The following UBE2E3 variants were observed in gnomAD, a reference collection of about 807,000 sequenced individuals.
UBE2E3 encodes ubiquitin conjugating enzyme E2 E3, also known as ubiquitin-conjugating enzyme E2 E3.
A neutral mutation model predicts 23.6 loss-of-function variants in UBE2E3; 5 were observed. That is an observed-to-expected ratio of 0.21 (90% CI 0.11 to 0.44). The LOEUF is 0.44. Ranked by LOEUF, UBE2E3 falls within the 20% of genes least tolerant of loss-of-function variation. UBE2E3 has a pLI of 0.99. For synonymous variants in UBE2E3, 78 were observed against 87.5 expected, an observed-to-expected ratio of 0.89 and a Z score of 0.60; for missense variants, 81 against 249.8, an observed-to-expected ratio of 0.32 and a Z score of 4.55.
intron 3 of UBE2E3, among the ~76,000 whole-genome samples, chr2:180,991,146 T>C (rs887941313): frequency 1.0e-5 from 1 of 96,264 alleles, no homozygotes; most frequent in Non-Finnish European, 2.4e-5. Flanking sequence ...TAAAAAACCT[T>C]TGATTTTTTT....
chr2:180,985,270 C>A (rs1027292874), intron 3 of UBE2E3, among the ~76,000 whole-genome samples: 4 of 152,060 alleles, frequency 2.6e-5, no homozygotes, highest in South Asian at 4.1e-4. Context: ...TACTTAAGAG[C>A]TATGCTGTCC....
rs371112864 is a variant in UBE2E3, at chr2:181,057,477, G to A, written c.246-216G>A. Among the ~76,000 whole-genome samples the A allele has an allele frequency of 2.0e-4, 30 of 151,824 alleles. 1 individual carries two copies. Among genetic ancestry groups the A allele is most frequent in the Admixed American group, 1.4e-3 (21 of 15,220 alleles). ...GGGTAAAGTTATACCAATTTTCTTT[G>A]TACTTTTCTTGCATTTCCTCTGTAA... On this transcript the variant is annotated intron_variant, in intron 3 of 5. Transcript: ENST00000410062.
intron 3 of UBE2E3, among the ~76,000 whole-genome samples, chr2:180,988,217 G>C (rs1684540312): frequency 2.0e-5 from 3 of 152,116 alleles, no homozygotes; most frequent in Admixed American, 1.3e-4. Context: ...AGTGTAGCCT[G>C]TAGTGATGTG....
chr2:181,001,541 G>A (rs948092383), intron 3 of UBE2E3, among the ~76,000 whole-genome samples: 1 of 152,058 alleles, frequency 6.6e-6, no homozygotes, highest in African/African-American at 2.4e-5. Context: ...AGATAAGTAG[G>A]TTTGCTTAAG....
rs149596008 is a variant in UBE2E3 at position 181,005,728 on chromosome 2, A to G, written c.245+21635A>G. On this transcript the variant is annotated intron_variant, in intron 3 of 5. Transcript: ENST00000410062. ...GGTTATATAGTTATATATTTTTTCT[A>G]TTTAACAGACCTACATTTTTAGCTT... Among the ~76,000 whole-genome samples, 518 of 152,270 alleles carry G rather than the reference A, an allele frequency of 3.4e-3. 3 individuals are homozygous for G. Among genetic ancestry groups the G allele is most frequent in the African/African-American group, 0.012 (495 of 41,568 alleles).
chr2:181,004,296 A>C (rs893375532), intron 3 of UBE2E3, among the ~76,000 whole-genome samples: 4 of 152,166 alleles, frequency 2.6e-5, no homozygotes, highest in Admixed American at 6.5e-5. Flanking sequence ...TAATATTTTA[A>C]ATTTCTTATT....
At chr2:181,036,912 T>G (rs768943930) in intron 3 of UBE2E3, among the ~76,000 whole-genome samples, 9 of 152,216 alleles carry the variant, frequency 5.9e-5, no homozygotes, top group Non-Finnish European at 7.3e-5. Context: ...TCAGTATATG[T>G]CATTTCACAT....
intron 3 of UBE2E3, among the ~76,000 whole-genome samples, chr2:181,053,007 C>A (rs1686887724): frequency 6.6e-6 from 1 of 151,860 alleles, no homozygotes; most frequent in South Asian, 2.1e-4. Context: ...CCCTCTTAGT[C>A]ATTTCTTAGT....
intron 3 of UBE2E3, among the ~76,000 whole-genome samples, chr2:180,988,873 A>C (rs1228625479): frequency 6.6e-6 from 1 of 152,002 alleles, no homozygotes; most frequent in African/African-American, 2.4e-5. Context: ...ATTGTATCTC[A>C]TTAGTTATCT....
rs562059310 is a variant in UBE2E3, at chr2:181,015,086, T to G, written c.245+30993T>G. 2.6e-5 allele frequency among the ~76,000 whole-genome samples: 4 copies of G among 152,280 alleles called. No homozygotes were observed. The East Asian group carries it at 7.7e-4, about 29-fold the overall frequency. ...AACGAAGTACAGAGTTGTTTTTTTC[T>G]TAATTAATATTTTTTTCCCTTTTAA... On this transcript the variant is annotated intron_variant, in intron 3 of 5. Transcript: ENST00000410062.
At chr2:180,991,486 C>A (rs1417724018) in intron 3 of UBE2E3, among the ~76,000 whole-genome samples, 1 of 152,142 alleles carries the variant, frequency 6.6e-6, no homozygotes, top group Non-Finnish European at 1.5e-5. Flanking sequence ...AGTCTATAAC[C>A]GATTTTGATA....
intron 3 of UBE2E3, among the ~76,000 whole-genome samples, chr2:181,019,160 G>C (rs13389513): frequency 2.6e-5 from 4 of 152,062 alleles, no homozygotes; most frequent in Non-Finnish European, 5.9e-5. Context: ...ACAGGGTTTC[G>C]TGTTGGTCAG....
chr2:181,004,756 G>A (rs1013081890), intron 3 of UBE2E3, among the ~76,000 whole-genome samples: 5 of 152,334 alleles, frequency 3.3e-5, no homozygotes, highest in Middle Eastern at 3.4e-3. Flanking sequence ...TTTTTAAGAA[G>A]GCTAAGGCAT....
At chr2:181,007,028 G>A (rs1347445975) in intron 3 of UBE2E3, among the ~76,000 whole-genome samples, 2 of 152,138 alleles carry the variant, frequency 1.3e-5, no homozygotes, top group Admixed American at 1.3e-4. Flanking sequence ...CTCTGAGCAG[G>A]TAATATTTTG....
At position 181,018,519 on chromosome 2, in the gene UBE2E3, C is replaced by G. The variant is rs540198346; in HGVS notation, c.245+34426C>G. On this transcript the variant is annotated intron_variant, in intron 3 of 5. Coordinates refer to ENST00000410062, the MANE Select transcript of UBE2E3 (RefSeq NM_006357.4). ...TCTATTCTTGATGAGCTTTTGTGCC[C>G]GAGGACTCAGGGGAGTATAGTAGTA... is the stretch of plus-strand genomic sequence containing the variant. Among the ~76,000 whole-genome samples, 42 of 151,544 alleles carry G rather than the reference C, an allele frequency of 2.8e-4. 1 individual carries two copies. The South Asian group carries it at 3.3e-3, about 12-fold the overall frequency.
intron 3 of UBE2E3, among the ~76,000 whole-genome samples, chr2:181,030,555 C>T (rs928556785): frequency 1.3e-5 from 2 of 151,946 alleles, no homozygotes; most frequent in Non-Finnish European, 2.9e-5. Context: ...CCTAATTAGC[C>T]TGTTTTTAAT....
intron 3 of UBE2E3, among the ~76,000 whole-genome samples, chr2:180,998,202 A>C (rs1376152651): frequency 6.6e-6 from 1 of 152,034 alleles, no homozygotes; most frequent in African/African-American, 2.4e-5. Flanking sequence ...TTTTAGAAAT[A>C]CTCGAGTTTG....
intron 3 of UBE2E3, among the ~76,000 whole-genome samples, chr2:181,036,211 G>A (rs1489592871): frequency 2.0e-5 from 3 of 152,168 alleles, no homozygotes; most frequent in Non-Finnish European, 4.4e-5. Flanking sequence ...ATTGGCATGG[G>A]TTGGGCATAT....
chr2:181,023,961 C>T (rs571288197), intron 3 of UBE2E3, among the ~76,000 whole-genome samples: 1 of 152,176 alleles, frequency 6.6e-6, no homozygotes, highest in South Asian at 2.1e-4. Context: ...TCCTTACTGT[C>T]ACAAGTGATA....
Sources: allele counts gnomAD v4.1 joint callset (sites outside exome capture counted in the v4.1 genomes callset), GRCh38; gene constraint gnomAD v4.1.1; transcripts MANE v1.5; gene names NCBI Gene and HGNC (gene_info 2026-07-23, HGNC 2026-07-21).